DLG5: variants seen among roughly 807,000 people sequenced by gnomAD.
DLG5 encodes discs large MAGUK scaffold protein 5, also known as disks large homolog 5.
Under a neutral mutation model 189.8 loss-of-function variants are expected in DLG5, and 48 were observed. The observed-to-expected ratio is 0.25, with a 90% confidence interval of 0.20 to 0.32. The LOEUF (loss-of-function observed/expected upper bound fraction) is 0.32. Ranked by LOEUF, DLG5 falls within the 10% of genes least tolerant of loss-of-function variation. DLG5 has a pLI of 1.00. For synonymous variants in DLG5, 1,016 were observed against 1,054.1 expected, an observed-to-expected ratio of 0.96 and a Z score of 0.70; for missense variants, 2,160 against 2,544.7, an observed-to-expected ratio of 0.85 and a Z score of 3.25.
chr10:77,807,454 T>C (rs1337818309), intron 25 of DLG5, among the ~76,000 whole-genome samples: 1 of 152,170 alleles, frequency 6.6e-6, no homozygotes, highest in Non-Finnish European at 1.5e-5. Flanking sequence ...TGAAGATGCC[T>C]GGAAGTCCAC....
Position 77,895,134 on chromosome 10 carries a change from C to T in DLG5, c.305-25937G>A, listed in dbSNP as rs536520174. On this transcript the variant is annotated intron_variant, in intron 1 of 31. Transcript: ENST00000372391. ...CTCACTCTGCAGCCCCAGGCTGCTTCCCATGGGAGGCTCACAGCAGGCACT... is the reference window on the plus strand; with the variant it reads ...CTCACTCTGCAGCCCCAGGCTGCTTTCCATGGGAGGCTCACAGCAGGCACT... Among the ~76,000 whole-genome samples, 4 of 152,340 alleles carry T rather than the reference C, an allele frequency of 2.6e-5. No homozygotes were observed. In the South Asian group the frequency reaches 8.3e-4, roughly 32 times the overall value.
intron 24 of DLG5, 48 bp downstream of exon 24, chr10:77,809,499 C>A: frequency 6.4e-7 from 1 of 1,553,910 alleles, no homozygotes; most frequent in Non-Finnish European, 8.7e-7. Flanking sequence ...AGCAAGCCCA[C>A]TGTGCAGGTA....
rs1840935660 is a variant in DLG5 at position 77,796,600 on chromosome 10, G to A, written c.5165-6C>T. 1 of 1,613,622 alleles carries A rather than the reference G, an allele frequency of 6.2e-7. No homozygotes were observed. Among genetic ancestry groups the A allele is most frequent in the Non-Finnish European group, 8.5e-7 (1 of 1,179,824 alleles). ...ATAGGCCAGGCTCACCGAATCTGAGGGAGAGAGAGCAGCAGCGTCACGGAC... is the reference window on the plus strand; with the variant it reads ...ATAGGCCAGGCTCACCGAATCTGAGAGAGAGAGAGCAGCAGCGTCACGGAC... On this transcript the variant is annotated splice_region_variant and splice_polypyrimidine_tract_variant and intron_variant, in intron 27 of 31. Coordinates refer to ENST00000372391, the MANE Select transcript of DLG5 (RefSeq NM_004747.4). The surrounding 1 kb of genome is among the most constrained non-coding windows in gnomAD (Gnocchi z 5.2).
chr10:77,810,283 A>T (rs1841695556), intron 23 of DLG5, among the ~76,000 whole-genome samples: 1 of 152,224 alleles, frequency 6.6e-6, no homozygotes, highest in African/African-American at 2.4e-5. Flanking sequence ...AAACAGATAC[A>T]GGGGGCTTCA....
At chr10:77,887,977 CA>C (rs2154577566) in intron 1 of DLG5, among the ~76,000 whole-genome samples, 1 of 152,192 alleles carries the variant, frequency 6.6e-6, no homozygotes, top group Admixed American at 6.5e-5. Flanking sequence ...CATCATCATG[CA>C]GCCCAACAAA....
chr10:77,854,029 G>A (rs1213469259), intron 4 of DLG5, among the ~76,000 whole-genome samples, 198 bp downstream of exon 4: 1 of 152,262 alleles, frequency 6.6e-6, no homozygotes, highest in Non-Finnish European at 1.5e-5. Flanking sequence ...AATAAGATGT[G>A]AAGGATTAAT....
intron 1 of DLG5, among the ~76,000 whole-genome samples, chr10:77,910,209 A>G (rs1307198539): frequency 6.6e-6 from 1 of 152,182 alleles, no homozygotes. Context: ...CAGACCACAG[A>G]AATGGTCACA....
intron 1 of DLG5, among the ~76,000 whole-genome samples, chr10:77,925,034 CT>C (rs1468502937): frequency 7.9e-5 from 12 of 152,160 alleles, no homozygotes; most frequent in Admixed American, 2.0e-4. Context: ...ACTTGTTTTT[CT>C]TTTATACATA....
At chr10:77,903,940 G>A (rs1043244820) in intron 1 of DLG5, among the ~76,000 whole-genome samples, 2 of 152,328 alleles carry the variant, frequency 1.3e-5, no homozygotes, top group African/African-American at 4.8e-5. Flanking sequence ...TGACATGGCT[G>A]AGGTTCTACT....
At position 77,863,026 on chromosome 10, in the gene DLG5, C is replaced by T. The variant is rs535619678; in HGVS notation, c.373+6103G>A. Reference sequence around the variant, plus strand: ...GCATGACTATTTGTCAAAACTTGAACTGTATACTTACAAAAAATACATTTT... The same window carrying T: ...GCATGACTATTTGTCAAAACTTGAATTGTATACTTACAAAAAATACATTTT... On this transcript the variant is annotated intron_variant, in intron 2 of 31. Coordinates refer to ENST00000372391, the MANE Select transcript of DLG5 (RefSeq NM_004747.4). 7.2e-5 allele frequency among the ~76,000 whole-genome samples: 11 copies of T among 152,272 alleles called. No homozygotes were observed. In the South Asian group the frequency reaches 2.1e-3, roughly 29 times the overall value.
chr10:77,871,363 C>A (rs139882140), intron 1 of DLG5, among the ~76,000 whole-genome samples: 181 of 152,152 alleles, frequency 1.2e-3, no homozygotes, highest in African/African-American at 4.2e-3. Flanking sequence ...GTCTGTGCAT[C>A]TGAAGGGAGA....
At chr10:77,847,264 C>T (rs552597193) in intron 5 of DLG5, among the ~76,000 whole-genome samples, 1 of 152,134 alleles carries the variant, frequency 6.6e-6, no homozygotes, top group Non-Finnish European at 1.5e-5. Flanking sequence ...CTGCTTGCTT[C>T]CACCACGATG....
rs1841562786 is a variant in DLG5, at chr10:77,807,964, A to T, written c.4648-20T>A. Reference sequence around the variant, plus strand: ...GCCATACTGCCAGGGATGGGGGTGGATGCATCAGAAGGCAGAAGCCAGGGG... The same window carrying T: ...GCCATACTGCCAGGGATGGGGGTGGTTGCATCAGAAGGCAGAAGCCAGGGG... On this transcript the variant is annotated intron_variant, in intron 24 of 31. Transcript: ENST00000372391. 6.2e-7 allele frequency: 1 copy of T among 1,613,580 alleles called. No individual in the cohort carries two copies. Among genetic ancestry groups the T allele is most frequent in the African/African-American group, 1.3e-5 (1 of 74,770 alleles).
intron 24 of DLG5, among the ~76,000 whole-genome samples, chr10:77,809,065 C>T (rs564362086): frequency 3.3e-4 from 49 of 149,742 alleles, no homozygotes; most frequent in African/African-American, 1.1e-3. Flanking sequence ...CACCACTGCA[C>T]TCCAGCCTGG....
At chr10:77,860,593 A>G (rs1325856016) in intron 2 of DLG5, among the ~76,000 whole-genome samples, 1 of 152,080 alleles carries the variant, frequency 6.6e-6, no homozygotes, top group Non-Finnish European at 1.5e-5. Flanking sequence ...GAGGCACTGC[A>G]CCCGGCCATG....
In DLG5 at chr10:77,862,113, C is replaced by T. The variant is rs113534572; in HGVS notation, c.374-5221G>A. Among the ~76,000 whole-genome samples the T allele has an allele frequency of 4.8e-3, 725 of 152,294 alleles. 7 individuals carry two copies. The highest frequency in any genetic ancestry group is 0.016 in the African/African-American group (670 of 41,558). ...GAAGTTTTTGTCTTTTTACTTGCAT[C>T]TAGAGGTTGACAGATATTCTGAAAA... On this transcript the variant is annotated intron_variant, in intron 2 of 31. Coordinates refer to ENST00000372391, the MANE Select transcript of DLG5 (RefSeq NM_004747.4).
chr10:77,887,567 T>C (rs1409829407), intron 1 of DLG5, among the ~76,000 whole-genome samples: 2 of 152,230 alleles, frequency 1.3e-5, no homozygotes, highest in Non-Finnish European at 2.9e-5. Flanking sequence ...TAAGAGTTTC[T>C]ATTGAATCTG....
chr10:77,892,446 T>C lies in DLG5; in HGVS notation c.305-23249A>G, dbSNP rs550344267. Among the ~76,000 whole-genome samples the C allele has an allele frequency of 2.6e-5, 4 of 152,340 alleles. No homozygotes were observed. The South Asian group carries it at 8.3e-4, about 32-fold the overall frequency. ...ATAAAATTTTGGTTGACACTAGATG[T>C]GTTCTTACTTGTAAGACAGCACAGT... On this transcript the variant is annotated intron_variant, in intron 1 of 31. Transcript: ENST00000372391.
chr10:77,933,092 T>G, the DLG5 span, among the ~76,000 whole-genome samples: 56 of 130,314 alleles, frequency 4.3e-4, no homozygotes, highest in Non-Finnish European at 7.2e-4. Context: ...ACTCTTTGAC[T>G]CTGAGCCCAT....
Sources: gnomAD v4.1 joint callset for allele counts (sites outside exome capture counted in the v4.1 genomes callset) on GRCh38, gnomAD v4.1.1 for gene constraint, Gnocchi (gnomAD v3.1) non-coding constraint, MANE v1.5 for transcripts, NCBI Gene and HGNC (gene_info 2026-07-23, HGNC 2026-07-21) for gene names.